EMSY: variants seen among roughly 807,000 people sequenced by gnomAD.
EMSY encodes the protein BRCA2-interacting transcriptional repressor EMSY.
In EMSY, 26 loss-of-function variants were observed where a neutral mutation model predicts 134.6. The ratio of observed to expected loss-of-function variants is 0.19; its 90% CI spans 0.14 to 0.27. The LOEUF is 0.27. Ranked by LOEUF, EMSY falls within the 10% of genes least tolerant of loss-of-function variation. The pLI is 1.00. For synonymous variants in EMSY, 579 were observed against 577.8 expected, an observed-to-expected ratio of 1.00 and a Z score of -0.03; for missense variants, 1,305 against 1,611.4, an observed-to-expected ratio of 0.81 and a Z score of 3.26.
At chr11:76,487,612 T>C (rs1949241747) in intron 8 of EMSY, among the ~76,000 whole-genome samples, 1 of 152,260 alleles carries the variant, frequency 6.6e-6, no homozygotes, top group Non-Finnish European at 1.5e-5. Flanking sequence ...CAACCGCAGA[T>C]CGTCCACATG....
At chr11:76,529,771 T>A (rs1349475656) in intron 14 of EMSY, among the ~76,000 whole-genome samples, 2 of 151,928 alleles carry the variant, frequency 1.3e-5, no homozygotes, top group Non-Finnish European at 2.9e-5. Flanking sequence ...TTATAGAGAG[T>A]GGGTAGTTTC....
intron 8 of EMSY, among the ~76,000 whole-genome samples, chr11:76,491,379 G>T (rs892970933): frequency 1.3e-5 from 2 of 151,900 alleles, no homozygotes; most frequent in Admixed American, 1.3e-4. Flanking sequence ...ACAGGGTCTT[G>T]CTATGTTGAC....
At chr11:76,544,322 G>A (rs1437475340) in exon 19 of EMSY, 2 of 1,614,156 alleles carry the variant, frequency 1.2e-6, no homozygotes, top group South Asian at 2.2e-5. Context: ...GGAGGGCGAG[G>A]TTGAAGAGAT....
chr11:76,463,042 A>C (rs932487774), intron 6 of EMSY, among the ~76,000 whole-genome samples: 3 of 151,588 alleles, frequency 2.0e-5, no homozygotes, highest in Non-Finnish European at 4.4e-5. Context: ...AAGGCCAGGC[A>C]CGGTGGCTCA....
intron 2 of EMSY, among the ~76,000 whole-genome samples, chr11:76,447,782 A>G (rs1008994523): frequency 1.3e-5 from 2 of 152,178 alleles, no homozygotes; most frequent in Non-Finnish European, 2.9e-5. Context: ...CTGTAGTTCA[A>G]ATGAGGATCT....
intron 14 of EMSY, among the ~76,000 whole-genome samples, chr11:76,533,172 A>C (rs1951103871): frequency 1.3e-5 from 2 of 152,150 alleles, no homozygotes; most frequent in South Asian, 4.2e-4. Flanking sequence ...GGTTTAGTTT[A>C]GAAGCAATGA....
At chr11:76,472,998 C>T (rs1365818282) in intron 8 of EMSY, among the ~76,000 whole-genome samples, 158 bp downstream of exon 9, 1 of 152,192 alleles carries the variant, frequency 6.6e-6, no homozygotes, top group Non-Finnish European at 1.5e-5. Flanking sequence ...TCAAGATGGT[C>T]GGTGATTCCA....
At chr11:76,458,316 A>G in exon 5 of EMSY, 1 of 1,613,638 alleles carries the variant, frequency 6.2e-7, no homozygotes, top group Non-Finnish European at 8.5e-7. Flanking sequence ...TATCCAGCAT[A>G]ATGCATCTCT....
At chr11:76,513,499 G>A (rs1950346837) in exon 10 of EMSY, 1 of 1,613,386 alleles carries the variant, frequency 6.2e-7, no homozygotes, top group African/African-American at 1.3e-5. Flanking sequence ...CAGTAATGGT[G>A]CAATTATGAC....
At chr11:76,464,012 C>A in exon 7 of EMSY, 2 of 1,614,180 alleles carry the variant, frequency 1.2e-6, no homozygotes, top group South Asian at 2.2e-5. Flanking sequence ...CTTACCACCC[C>A]ACATGTCTCC....
chr11:76,518,684 C>CATATAT (rs796392038), intron 11 of EMSY, among the ~76,000 whole-genome samples: 335 of 121,606 alleles, frequency 2.8e-3, no homozygotes, highest in Non-Finnish European at 4.1e-3. Flanking sequence ...TGTGTGCGCG[C>CATATAT]ATATATATAT....
intron 2 of EMSY, among the ~76,000 whole-genome samples, chr11:76,447,685 T>C (rs1445365225): frequency 6.6e-6 from 1 of 152,250 alleles, no homozygotes; most frequent in African/African-American, 2.4e-5. Context: ...AAGAACTAAC[T>C]TCGCCCTGTG....
At chr11:76,472,784 C>T (rs141073024) in exon 8 of EMSY, 32 of 1,613,794 alleles carry the variant, frequency 2.0e-5, no homozygotes, top group Non-Finnish European at 6.8e-6. Flanking sequence ...AATACAGTTG[C>T]AGTAACAGCT....
At chr11:76,519,065 C>CTT (rs149817617) in intron 11 of EMSY, among the ~76,000 whole-genome samples, 11 of 136,382 alleles carry the variant, frequency 8.1e-5, no homozygotes, top group East Asian at 2.1e-4. Flanking sequence ...TGATTCATAT[C>CTT]TTTTTTTTTT....
At chr11:76,549,664 C>G (rs1951777569) in intron 20 of EMSY, among the ~76,000 whole-genome samples, 1 of 152,074 alleles carries the variant, frequency 6.6e-6, no homozygotes, top group South Asian at 2.1e-4. Context: ...TGGCATTAAC[C>G]CTGACCAACT....
intron 7 of EMSY, among the ~76,000 whole-genome samples, chr11:76,465,402 A>G (rs1032102577): frequency 1.3e-5 from 2 of 152,208 alleles, no homozygotes; most frequent in East Asian, 3.8e-4. Context: ...AGAGAAAACA[A>G]TGTATTTATT....
In EMSY at chr11:76,524,620, C is replaced by G. The variant is rs143581039; in HGVS notation, c.1821+1329C>G. Among the ~76,000 whole-genome samples, 73 of 152,300 alleles carry G rather than the reference C, an allele frequency of 4.8e-4. No homozygotes were observed. The East Asian group carries it at 7.3e-3, about 15-fold the overall frequency. ...GAGGGGATGCTTTGTATTCTAGGCCCTGTGGTCACAAAGATCCAAGAGTCA... is the reference window on the plus strand; with the variant it reads ...GAGGGGATGCTTTGTATTCTAGGCCGTGTGGTCACAAAGATCCAAGAGTCA... On this transcript the variant is annotated intron_variant, in intron 12 of 20. Transcript: ENST00000334736.
intron 8 of EMSY, among the ~76,000 whole-genome samples, chr11:76,490,468 A>G (rs1949373699): frequency 6.6e-6 from 1 of 152,252 alleles, no homozygotes; most frequent in Admixed American, 6.5e-5. Flanking sequence ...TTGAGAATCT[A>G]GCTTTAGAGC....
At chr11:76,476,928 T>C (rs1451588070) in intron 8 of EMSY, among the ~76,000 whole-genome samples, 1 of 152,186 alleles carries the variant, frequency 6.6e-6, no homozygotes, top group African/African-American at 2.4e-5. Context: ...AGGAAATATA[T>C]CGTCGTTTCA....
Sources: gnomAD v4.1 joint callset for allele counts (sites outside exome capture counted in the v4.1 genomes callset) on GRCh38, gnomAD v4.1.1 for gene constraint, MANE v1.5 for transcripts, NCBI Gene and HGNC (gene_info 2026-07-23, HGNC 2026-07-21) for gene names.